The following RORA variants were observed in gnomAD, a reference collection of about 807,000 sequenced individuals.
RORA encodes the protein RAR related orphan receptor A.
Under a neutral mutation model 69.5 loss-of-function variants are expected in RORA, and 7 were observed. The ratio of observed to expected loss-of-function variants is 0.10; its 90% CI spans 0.06 to 0.19. The LOEUF is 0.19. Among genes scored for constraint, RORA ranks in the 10% least tolerant of loss-of-function variants. The pLI, the probability that RORA is intolerant of heterozygous loss-of-function variation, is 1.00. For missense variants in RORA, 457 were observed against 663.0 expected (o/e 0.69, Z 3.41); for synonymous variants, 261 against 240.8 (o/e 1.08, Z -0.78).
intron 1 of RORA, among the ~76,000 whole-genome samples, chr15:60,960,034 A>G (rs897743823): frequency 6.6e-6 from 1 of 152,064 alleles, no homozygotes; most frequent in African/African-American, 2.4e-5. Flanking sequence ...CCCCTAAATA[A>G]ATGAAAACAG....
Position 60,725,147 on chromosome 15 carries a change from C to T in RORA, c.167-46461G>A, listed in dbSNP as rs1459642045. Reference sequence around the variant, plus strand: ...TTACCATATTCAGAAGTGCCACATTCAGAATTGGAATGGACACTTTTAATT... The same window carrying T: ...TTACCATATTCAGAAGTGCCACATTTAGAATTGGAATGGACACTTTTAATT... On this transcript the variant is annotated intron_variant, in intron 1 of 10. Coordinates refer to ENST00000335670, the MANE Select transcript of RORA (RefSeq NM_134261.3). Among the ~76,000 whole-genome samples, 3 of 152,206 alleles carry T rather than the reference C, an allele frequency of 2.0e-5. No individual in the cohort carries two copies. In the East Asian group the frequency reaches 5.8e-4, roughly 29 times the overall value.
intron 1 of RORA, among the ~76,000 whole-genome samples, chr15:60,956,748 G>T (rs1212916272): frequency 6.6e-6 from 1 of 152,168 alleles, no homozygotes; most frequent in Non-Finnish European, 1.5e-5. Context: ...CTGTTACAAT[G>T]ATTACTCTTT....
intron 5 of RORA, among the ~76,000 whole-genome samples, chr15:60,510,123 C>A (rs1397523824): frequency 6.6e-6 from 1 of 152,190 alleles, no homozygotes; most frequent in Non-Finnish European, 1.5e-5. Flanking sequence ...GATTTCTGTG[C>A]TCAAGTCTGA....
At chr15:60,832,052 A>C (rs1239291459) in intron 1 of RORA, among the ~76,000 whole-genome samples, 1 of 152,192 alleles carries the variant, frequency 6.6e-6, no homozygotes, top group Admixed American at 6.5e-5. Flanking sequence ...TCGACCAACA[A>C]AAAAATTTGT....
In RORA at chr15:60,497,318, G is replaced by T; in HGVS notation, c.*137C>A. On this transcript the variant is annotated 3_prime_UTR_variant, in exon 11 of 11. Transcript: ENST00000335670. Reference sequence around the variant, plus strand: ...TTTCATTGTTTCCCCTCCTTTGCCTGACCCCGATCACCAAAAGATGTGCAG... The same window carrying T: ...TTTCATTGTTTCCCCTCCTTTGCCTTACCCCGATCACCAAAAGATGTGCAG... The T allele has an allele frequency of 1.5e-6, 1 of 649,042 alleles. No individual in the cohort carries two copies. Among genetic ancestry groups the T allele is most frequent in the Non-Finnish European group, 2.6e-6 (1 of 385,206 alleles). 40.2% of individuals were successfully genotyped at this position (649,042 alleles called of 1,614,324 possible). A position where few individuals can be genotyped will look rare whatever the true frequency, so the allele number is the denominator to read the frequency against.
chr15:60,703,062 T>C (rs985988807), intron 1 of RORA, among the ~76,000 whole-genome samples: 4 of 152,002 alleles, frequency 2.6e-5, no homozygotes, highest in African/African-American at 4.8e-5. Context: ...AGATGAACCC[T>C]GTCTATCATA....
At chr15:60,887,383 C>G (rs1233849202) in intron 1 of RORA, among the ~76,000 whole-genome samples, 1 of 152,126 alleles carries the variant, frequency 6.6e-6, no homozygotes, top group Middle Eastern at 3.4e-3. Context: ...GGAAGCTAAA[C>G]GGGGTTTTTA....
intron 1 of RORA, among the ~76,000 whole-genome samples, chr15:60,784,632 A>C (rs1385879942): frequency 6.6e-6 from 1 of 152,192 alleles, no homozygotes; most frequent in Admixed American, 6.5e-5. Context: ...ATATGGGTGA[A>C]ATGCAAAGAA....
At position 60,615,059 on chromosome 15, in the gene RORA, C is replaced by T. The variant is rs1191912132; in HGVS notation, c.196+63598G>A. On this transcript the variant is annotated intron_variant, in intron 2 of 10. Transcript: ENST00000335670. Reference sequence around the variant, plus strand: ...GGGAAAACAGAACAGCGTCAACCCACACACAGCCCCCTTTCTGCTTCCTAG... The same window carrying T: ...GGGAAAACAGAACAGCGTCAACCCATACACAGCCCCCTTTCTGCTTCCTAG... The T allele has an allele frequency of 2.5e-6, 4 of 1,594,402 alleles. No homozygotes were observed. The East Asian group carries it at 9.0e-5, about 36-fold the overall frequency.
At chr15:61,105,930 T>C (rs1384711417) in intron 1 of RORA, among the ~76,000 whole-genome samples, 2 of 152,232 alleles carry the variant, frequency 1.3e-5, no homozygotes, top group East Asian at 3.9e-4. Context: ...AGAAGCAGCA[T>C]GGACCAAGTT....
intron 1 of RORA, among the ~76,000 whole-genome samples, chr15:60,884,739 A>C (rs1222673104): frequency 6.6e-6 from 1 of 152,198 alleles, no homozygotes. Flanking sequence ...TGCCTTCTTC[A>C]TCCTCCCAAA....
At position 60,511,071 on chromosome 15, in the gene RORA, T is replaced by A. The variant is rs1372552605; in HGVS notation, c.820+155A>T. 6.6e-6 allele frequency among the ~76,000 whole-genome samples: 1 copy of A among 151,978 alleles called. No individual in the cohort carries two copies. The highest frequency in any genetic ancestry group is 1.5e-5 in the Non-Finnish European group (1 of 67,980). ...ATAAACCATGGGAAACAGCAGAGGGTCAAAAGCAAGGGGGCAGGGCAGAAA... is the reference window on the plus strand; with the variant it reads ...ATAAACCATGGGAAACAGCAGAGGGACAAAAGCAAGGGGGCAGGGCAGAAA... On this transcript the variant is annotated intron_variant, in intron 5 of 10. Coordinates refer to ENST00000335670, the MANE Select transcript of RORA (RefSeq NM_134261.3). This position sits in a 1 kb window ranked among gnomAD's most constrained non-coding sequence, Gnocchi z 6.4.
intron 2 of RORA, among the ~76,000 whole-genome samples, chr15:60,618,199 C>T (rs1177156732): frequency 6.6e-6 from 1 of 152,128 alleles, no homozygotes; most frequent in East Asian, 1.9e-4. Flanking sequence ...TGACTGGGGA[C>T]TCTAAGAATC....
chr15:60,894,288 T>TA (rs1158535529), intron 1 of RORA, among the ~76,000 whole-genome samples: 1 of 152,238 alleles, frequency 6.6e-6, no homozygotes, highest in Non-Finnish European at 1.5e-5. Flanking sequence ...AAGAATAATT[T>TA]AAAATGCAAT....
intron 1 of RORA, among the ~76,000 whole-genome samples, chr15:60,733,279 T>C (rs578260506): frequency 1.3e-5 from 2 of 152,300 alleles, no homozygotes; most frequent in East Asian, 3.9e-4. Context: ...CTACCGACTG[T>C]AGAGGCCAAA....
chr15:60,681,629 G>C (rs1345710477), intron 1 of RORA: 1 of 152,188 alleles, frequency 6.6e-6, no homozygotes, highest in Non-Finnish European at 1.5e-5. Context: ...GCCTTCATTC[G>C]CAGCAGGCAT....
rs576674261 is a variant in RORA, at chr15:61,110,503, G to A, written c.166+118550C>T. ...TATTTATTATAATATGCTTCATATT[G>A]TCATTTTAGAGTGTACTCTTATTTT... On this transcript the variant is annotated intron_variant, in intron 1 of 10. Coordinates refer to ENST00000335670, the MANE Select transcript of RORA (RefSeq NM_134261.3). Among the ~76,000 whole-genome samples the A allele has an allele frequency of 1.8e-4, 27 of 151,722 alleles. 1 individual carries two copies. The South Asian group carries it at 5.2e-3, about 29-fold the overall frequency.
intron 1 of RORA, among the ~76,000 whole-genome samples, chr15:61,043,669 C>G (rs1459782682): frequency 2.0e-5 from 3 of 152,132 alleles, no homozygotes; most frequent in Non-Finnish European, 4.4e-5. Flanking sequence ...TTTGCCACAT[C>G]CCAATACACT....
intron 2 of RORA, among the ~76,000 whole-genome samples, chr15:60,625,820 T>G (rs1018673667): frequency 5.3e-5 from 8 of 152,250 alleles, no homozygotes; most frequent in African/African-American, 1.9e-4. Context: ...GGCTAAGGCA[T>G]AAGGCTTACA....
Sources: allele counts gnomAD v4.1 joint callset (sites outside exome capture counted in the v4.1 genomes callset), GRCh38; gene constraint gnomAD v4.1.1; non-coding constraint Gnocchi (gnomAD v3.1); transcripts MANE v1.5; gene names NCBI Gene and HGNC (gene_info 2026-07-23, HGNC 2026-07-21).